CPS1: variants seen among roughly 807,000 people sequenced by gnomAD.
The protein encoded by CPS1 is carbamoyl-phosphate synthase [ammonia], mitochondrial.
In CPS1, 109 loss-of-function variants were observed where a neutral mutation model predicts 174.6. That is an observed-to-expected ratio of 0.62 (90% CI 0.53 to 0.73). The LOEUF is 0.73. CPS1 is among the 30% of genes least tolerant of loss of function. The probability of loss-of-function intolerance (pLI) is 0.00; values close to 1 mark genes in which losing one functional copy is unlikely to be tolerated. For synonymous variants in CPS1, 637 were observed against 632.0 expected (o/e 1.01, Z -0.12); for missense variants, 1,689 against 1,821.9 (o/e 0.93, Z 1.33).
chr2:210,590,838 C>G lies in CPS1; in HGVS notation c.879C>G (p.Ile293Met). ...ESDRKEPLFG[I>M]STGNLITGLA... Reference sequence around the variant, plus strand: ...ATCGCAAGGAGCCATTGTTTGGAATCAGTACAGGAAACTTAATAACAGGAT... The same window carrying G: ...ATCGCAAGGAGCCATTGTTTGGAATGAGTACAGGAAACTTAATAACAGGAT... Residue 293 changes from isoleucine to methionine, a missense_variant, in exon 9 of 38, where the codon ATC (isoleucine) becomes ATG (methionine). By Grantham distance (10) the Ile-to-Met change is conservative (BLOSUM62 1). Transcript: ENST00000233072. 6.2e-7 allele frequency: 1 copy of G among 1,611,134 alleles called. No individual in the cohort carries two copies. Among genetic ancestry groups the G allele is most frequent in the Non-Finnish European group, 8.5e-7 (1 of 1,178,128 alleles).
intron 21 of CPS1, among the ~76,000 whole-genome samples, chr2:210,626,622 C>A (rs1314843475): frequency 6.6e-6 from 1 of 152,058 alleles, no homozygotes; most frequent in African/African-American, 2.4e-5. Flanking sequence ...TACATGTAGG[C>A]AGTATAGGTA....
chr2:210,636,601 G>C (rs1397262156), intron 21 of CPS1, among the ~76,000 whole-genome samples: 1 of 151,910 alleles, frequency 6.6e-6, no homozygotes, highest in Non-Finnish European at 1.5e-5. Flanking sequence ...CCTGATTGAC[G>C]AATAAAAGTT....
At chr2:210,560,390 ATAGTTTTATT>A (rs1697059462) in intron 1 of CPS1, among the ~76,000 whole-genome samples, 1 of 152,120 alleles carries the variant, frequency 6.6e-6, no homozygotes, top group African/African-American at 2.4e-5. Flanking sequence ...TCAAAGCTAA[ATAGTTTTATT>A]TTTACTTGCA....
At chr2:210,675,152 C>G (rs1701482988) in intron 35 of CPS1, among the ~76,000 whole-genome samples, 191 bp downstream of exon 35, 1 of 152,054 alleles carries the variant, frequency 6.6e-6, no homozygotes, top group African/African-American at 2.4e-5. Flanking sequence ...ACAAAATTAC[C>G]ACAAATTCAA....
intron 1 of CPS1, among the ~76,000 whole-genome samples, chr2:210,557,125 G>T (rs1696937698): frequency 1.3e-5 from 2 of 151,856 alleles, no homozygotes; most frequent in South Asian, 4.1e-4. Flanking sequence ...GCTTGAAAAA[G>T]AAACATCTTT....
intron 1 of CPS1, among the ~76,000 whole-genome samples, chr2:210,558,571 G>T (rs537871782): frequency 6.6e-6 from 1 of 152,040 alleles, no homozygotes; most frequent in South Asian, 2.1e-4. Flanking sequence ...CTTCAAAGTT[G>T]GGTGACTTGG....
At chr2:210,636,085 A>C (rs181837198) in intron 21 of CPS1, among the ~76,000 whole-genome samples, 61 of 152,328 alleles carry the variant, frequency 4.0e-4, no homozygotes, top group African/African-American at 1.4e-3. Context: ...AAGGCAAGTT[A>C]GATCTTCTGG....
chr2:210,566,806 G>T (rs2106058911), intron 1 of CPS1, among the ~76,000 whole-genome samples: 1 of 152,020 alleles, frequency 6.6e-6, no homozygotes, highest in South Asian at 2.1e-4. Flanking sequence ...TGGCTTTAAA[G>T]ATAGTATTCA....
At chr2:210,582,544 T>C (rs957765370) in intron 5 of CPS1, 73 bp from the exon 6 acceptor site, 7 of 1,088,416 alleles carry the variant, frequency 6.4e-6, no homozygotes, top group Admixed American at 1.7e-5. Context: ...CTGTTTAAAG[T>C]CCCTGTGAGT....
chr2:210,674,036 C>T (rs1486401761), intron 34 of CPS1: 1 of 152,170 alleles, frequency 6.6e-6, no homozygotes, highest in East Asian at 1.9e-4. Context: ...CTTTAGAGCT[C>T]ATTCTTTAGC....
At chr2:210,667,209 A>G (rs1701131844) in intron 33 of CPS1, among the ~76,000 whole-genome samples, 1 of 152,184 alleles carries the variant, frequency 6.6e-6, no homozygotes, top group Non-Finnish European at 1.5e-5. Flanking sequence ...GTTGCTTATC[A>G]GCTTAAGGAG....
chr2:210,665,187 A>G (rs1272605969), intron 33 of CPS1, among the ~76,000 whole-genome samples: 1 of 152,220 alleles, frequency 6.6e-6, no homozygotes, highest in Non-Finnish European at 1.5e-5. Context: ...TAAAATGTTC[A>G]CTGTGGAGAG....
At chr2:210,652,043 T>TCC (rs1700575821) in intron 28 of CPS1, among the ~76,000 whole-genome samples, 1 of 152,148 alleles carries the variant, frequency 6.6e-6, no homozygotes, top group Non-Finnish European at 1.5e-5. Flanking sequence ...TGGGCTCCAG[T>TCC]CCCTGAGGAA....
chr2:210,512,797 T>G lies in CPS1; in HGVS notation c.3+35031T>G, dbSNP rs13024731. ...ATATATATATATATGGAGAGAGAGA[T>G]ATATATATATGGAGAGAGAGAGATA... On this transcript the variant is annotated intron_variant, in intron 1 of 38. Coordinates refer to the CPS1 transcript ENST00000430249. Among the ~76,000 whole-genome samples, 767 of 103,340 alleles carry G rather than the reference T, an allele frequency of 7.4e-3. 132 individuals are homozygous for G. Among genetic ancestry groups the G allele is most frequent in the African/African-American group, 0.029 (723 of 25,050 alleles). The allele number at this position is 103,340 out of a possible 152,430, so 67.8% of individuals were successfully genotyped here.
At chr2:210,499,803 A>C (rs1695095646) in intron 1 of CPS1, among the ~76,000 whole-genome samples, 1 of 152,090 alleles carries the variant, frequency 6.6e-6, no homozygotes, top group African/African-American at 2.4e-5. Context: ...GGGGCTTCAC[A>C]CATTGTCAGC....
exon 1 of CPS1, chr2:210,477,685 C>A (rs780147302): frequency 1.9e-4 from 302 of 1,592,456 alleles, no homozygotes; most frequent in South Asian, 5.1e-4. Flanking sequence ...CAGGTTTGCT[C>A]TTTTAAAATA....
chr2:210,674,627 C>CA, intron 34 of CPS1: 1 of 468,820 alleles, frequency 2.1e-6, no homozygotes, highest in Admixed American at 3.4e-5. Context: ...TCTGAACTTA[C>CA]AAAGACCAAG....
chr2:210,660,804 T>G (rs113202402), intron 32 of CPS1, 149 bp downstream of exon 32: 9 of 824,368 alleles, frequency 1.1e-5, no homozygotes, highest in Non-Finnish European at 1.7e-5. Context: ...TGTACTGCAG[T>G]TGTACTATAG....
intron 33 of CPS1, among the ~76,000 whole-genome samples, chr2:210,667,463 G>A (rs1701138941): frequency 6.6e-6 from 1 of 152,068 alleles, no homozygotes; most frequent in Admixed American, 6.6e-5. Context: ...TTGACTTGTA[G>A]TTATATTGTA....
Sources: gnomAD v4.1 joint callset for allele counts (sites outside exome capture counted in the v4.1 genomes callset) on GRCh38, gnomAD v4.1.1 for gene constraint, MANE v1.5 for transcripts, NCBI Gene and HGNC (gene_info 2026-07-23, HGNC 2026-07-21) for gene names.